The following PLXNA4 variants were observed in gnomAD, a reference collection of about 807,000 sequenced individuals.
PLXNA4 encodes plexin-A4.
A neutral mutation model predicts 191.8 loss-of-function variants in PLXNA4; 44 were observed. That is an observed-to-expected ratio of 0.23 (90% CI 0.18 to 0.29). The LOEUF is 0.29. Among genes scored for constraint, PLXNA4 ranks in the 10% least tolerant of loss-of-function variants. PLXNA4 has a pLI of 1.00. For missense variants in PLXNA4, 1,800 were observed against 2,488.8 expected, an observed-to-expected ratio of 0.72 and a Z score of 5.89; for synonymous variants, 1,082 against 1,009.5, an observed-to-expected ratio of 1.07 and a Z score of -1.36.
At chr7:132,500,702 T>C (rs1798213869) in intron 2 of PLXNA4, among the ~76,000 whole-genome samples, 1 of 152,214 alleles carries the variant, frequency 6.6e-6, no homozygotes, top group Non-Finnish European at 1.5e-5. Flanking sequence ...CACAGGATGA[T>C]GCTATGAAGA....
chr7:132,164,183 C>T lies in PLXNA4; in HGVS notation c.4459G>A (p.Glu1487Lys), dbSNP rs1282043567. The T allele has an allele frequency of 3.1e-6, 5 of 1,614,112 alleles. No homozygotes were observed. The highest frequency in any genetic ancestry group is 4.2e-6 in the Non-Finnish European group (5 of 1,180,056). Residue 1487 changes from glutamate (E) to lysine (K), a missense_variant, in exon 24 of 32, where the codon GAG becomes AAG. Glu to Lys is a moderately conservative substitution (Grantham distance 56). Coordinates refer to ENST00000321063, the MANE Select transcript of PLXNA4 (RefSeq NM_020911.2). ...ATCTGCTGGCGGATGAGCTTGTCCT[C>T]GCTCAAGGAGTAGCGGGCCTCGCCC... The part of the protein sequence containing the change: ...ITGEARYSLS[E>K]DKLIRQQIDY...
At chr7:132,372,941 G>T (rs1159842341) in intron 3 of PLXNA4, among the ~76,000 whole-genome samples, 1 of 152,176 alleles carries the variant, frequency 6.6e-6, no homozygotes, top group East Asian at 1.9e-4. Context: ...CATTTCTCCA[G>T]CATTTATTAA....
At chr7:132,563,703 C>CCTCCTT (rs1801512157) in intron 1 of PLXNA4, among the ~76,000 whole-genome samples, 1 of 126,128 alleles carries the variant, frequency 7.9e-6, no homozygotes, top group Non-Finnish European at 1.7e-5. Flanking sequence ...TCCTTCTCCT[C>CCTCCTT]CTCCTCCTTC....
intron 3 of PLXNA4, among the ~76,000 whole-genome samples, chr7:132,299,818 A>C (rs897806208): frequency 6.6e-6 from 1 of 152,196 alleles, no homozygotes; most frequent in African/African-American, 2.4e-5. Context: ...AAATAGGCTC[A>C]AGCCAATCAA....
At chr7:132,523,322 G>A (rs1799264610) in intron 1 of PLXNA4, among the ~76,000 whole-genome samples, 1 of 152,230 alleles carries the variant, frequency 6.6e-6, no homozygotes, top group Non-Finnish European at 1.5e-5. Context: ...TCTCTAGTTG[G>A]AATAGCCATG....
chr7:132,474,257 CAT>C (rs1491028639), intron 3 of PLXNA4, among the ~76,000 whole-genome samples: 109 of 135,594 alleles, frequency 8.0e-4, no homozygotes, highest in African/African-American at 2.8e-3. Flanking sequence ...CACACACACA[CAT>C]GCACACACCA....
At position 132,217,182 on chromosome 7, in the gene PLXNA4, G is replaced by A. The variant is rs1396840206; in HGVS notation, c.2098-6039C>T. ...ATGCACACAAAATACAAATCGCACT[G>A]CTAATTGCAGAGGGCAGGAACACGA... On this transcript the variant is annotated intron_variant, in intron 9 of 31. Transcript: ENST00000321063. Among the ~76,000 whole-genome samples, 3 of 152,208 alleles carry A rather than the reference G, an allele frequency of 2.0e-5. No individual in the cohort carries two copies. The East Asian group carries it at 5.8e-4, about 29-fold the overall frequency.
chr7:132,172,870 G>A (rs1027391724), intron 21 of PLXNA4, among the ~76,000 whole-genome samples: 10 of 152,116 alleles, frequency 6.6e-5, no homozygotes, highest in African/African-American at 2.4e-4. Context: ...CATCCTCATT[G>A]CATTCTTATT....
At chr7:132,378,665 T>C (rs1166392895) in intron 3 of PLXNA4, among the ~76,000 whole-genome samples, 1 of 152,082 alleles carries the variant, frequency 6.6e-6, no homozygotes, top group African/African-American at 2.4e-5. Context: ...CTGCGCAAAA[T>C]GAGGTTCAAA....
intron 3 of PLXNA4, among the ~76,000 whole-genome samples, chr7:132,337,099 C>T (rs1219272463): frequency 2.0e-5 from 3 of 152,214 alleles, no homozygotes; most frequent in South Asian, 2.1e-4. Flanking sequence ...TGCATAAAAG[C>T]GGTGGCAATG....
intron 5 of PLXNA4, among the ~76,000 whole-genome samples, chr7:132,238,918 G>T (rs956637850): frequency 6.6e-6 from 1 of 152,166 alleles, no homozygotes; most frequent in East Asian, 1.9e-4. Flanking sequence ...ACCAGTCATT[G>T]GTCCTCATAC....
rs1054105427 is a variant in PLXNA4 at position 132,126,101 on chromosome 7, CAG to C, written c.*4376_*4377del. On this transcript the variant is annotated 3_prime_UTR_variant, in exon 32 of 32. Coordinates refer to ENST00000321063, the MANE Select transcript of PLXNA4 (RefSeq NM_020911.2). ...GTCCCCTTGGTCCTGGGAAAGAAGACAGATGGAAATTGAGCTTTTCTTTTTAG... is the reference window on the plus strand; with the variant it reads ...GTCCCCTTGGTCCTGGGAAAGAAGACATGGAAATTGAGCTTTTCTTTTTAG... The C allele has an allele frequency of 6.6e-6, 1 of 152,468 alleles. No homozygotes were observed. The highest frequency in any genetic ancestry group is 2.4e-5 in the African/African-American group (1 of 41,440). The allele number at this position is 152,468 out of a possible 1,614,324, so 9.4% of individuals were successfully genotyped here.
intron 24 of PLXNA4, among the ~76,000 whole-genome samples, chr7:132,160,949 T>A (rs1005030951): frequency 6.6e-6 from 1 of 152,010 alleles, no homozygotes; most frequent in Admixed American, 6.5e-5. Context: ...CTGAAATCTA[T>A]AAAACCAAAC....
chr7:132,461,660 C>T (rs538493659), intron 3 of PLXNA4, among the ~76,000 whole-genome samples: 1 of 152,332 alleles, frequency 6.6e-6, no homozygotes, highest in African/African-American at 2.4e-5. Flanking sequence ...ATTCTATAAA[C>T]CTTCAGACAA....
chr7:132,295,905 A>G (rs949246075), intron 4 of PLXNA4, among the ~76,000 whole-genome samples: 6 of 152,226 alleles, frequency 3.9e-5, no homozygotes, highest in Admixed American at 3.3e-4. Context: ...ACTATCTGAT[A>G]TTATTGTCAC....
intron 3 of PLXNA4, among the ~76,000 whole-genome samples, chr7:132,436,074 C>T (rs1330132158): frequency 6.6e-6 from 1 of 152,242 alleles, no homozygotes; most frequent in East Asian, 1.9e-4. Flanking sequence ...TTCCAATCCA[C>T]ATATGAGACC....
chr7:132,444,897 C>T (rs77467018), intron 3 of PLXNA4, among the ~76,000 whole-genome samples: 5,312 of 150,836 alleles, frequency 0.035, 298 homozygotes, highest in East Asian at 0.28. Context: ...GGCGCGGTGG[C>T]TCACTCCTGT....
chr7:132,284,273 G>C (rs537448843), intron 4 of PLXNA4, among the ~76,000 whole-genome samples: 2 of 152,316 alleles, frequency 1.3e-5, no homozygotes, highest in South Asian at 2.1e-4. Flanking sequence ...AAGTCCTGCA[G>C]AATTTTTGTT....
rs887277874 is a variant in PLXNA4, at chr7:132,229,629, A to G, written c.1605-1160T>C. On this transcript the variant is annotated intron_variant, in intron 5 of 31. Transcript: ENST00000321063. ...GATCTCTTTTGATTAAAGAGAAAAG[A>G]TTTTGCAGAGGAAGGAAGATGTCAG... 7.2e-5 allele frequency among the ~76,000 whole-genome samples: 11 copies of G among 152,278 alleles called. No individual in the cohort carries two copies. The Middle Eastern group carries it at 0.01, about 141-fold the overall frequency.
Sources: gnomAD v4.1 joint callset for allele counts (sites outside exome capture counted in the v4.1 genomes callset) on GRCh38, gnomAD v4.1.1 for gene constraint, MANE v1.5 for transcripts, NCBI Gene and HGNC (gene_info 2026-07-23, HGNC 2026-07-21) for gene names.